RNLS: variants seen among roughly 807,000 people sequenced by gnomAD.
RNLS encodes the protein renalase.
Under a neutral mutation model 39.8 loss-of-function variants are expected in RNLS, and 39 were observed. The observed-to-expected ratio is 0.98, with a 90% CI of 0.76 to 1.28. The LOEUF is 1.28. RNLS is among the 50% of genes most tolerant of loss of function. The pLI is 0.00. For synonymous variants in RNLS, 147 were observed against 150.7 expected (o/e 0.98, Z 0.18); for missense variants, 410 against 413.3 (o/e 0.99, Z 0.07).
At chr10:88,504,076 G>T (rs1406547731) in intron 4 of RNLS, among the ~76,000 whole-genome samples, 1 of 152,158 alleles carries the variant, frequency 6.6e-6, no homozygotes, top group African/African-American at 2.4e-5. Flanking sequence ...ACGTGAGTGA[G>T]CTAGGAAGTA....
chr10:88,420,098 G>A (rs1854313546), intron 4 of RNLS, among the ~76,000 whole-genome samples: 1 of 151,350 alleles, frequency 6.6e-6, no homozygotes, highest in African/African-American at 2.4e-5. Flanking sequence ...AAGAGCATTG[G>A]ATTTAGAGTC....
intron 4 of RNLS, among the ~76,000 whole-genome samples, chr10:88,565,990 G>T (rs1284101686): frequency 6.6e-6 from 1 of 151,394 alleles, no homozygotes; most frequent in Non-Finnish European, 1.5e-5. Context: ...CTCGTGATCC[G>T]CCCACCTCAG....
At chr10:88,305,572 T>C (rs1844857523) in intron 6 of RNLS, among the ~76,000 whole-genome samples, 1 of 151,680 alleles carries the variant, frequency 6.6e-6, no homozygotes, top group Non-Finnish European at 1.5e-5. Flanking sequence ...CCAACAAAGA[T>C]AAAAAAAGAA....
chr10:88,518,641 G>A (rs1304791963), intron 4 of RNLS, among the ~76,000 whole-genome samples: 1 of 151,948 alleles, frequency 6.6e-6, no homozygotes, highest in African/African-American at 2.4e-5. Context: ...GAAAGCTAAA[G>A]TCCAGGGTAA....
chr10:88,325,697 C>T (rs533391470), intron 5 of RNLS, among the ~76,000 whole-genome samples: 18 of 152,250 alleles, frequency 1.2e-4, no homozygotes, highest in Admixed American at 2.6e-4. Flanking sequence ...TATCATAACA[C>T]GCATTTTTAA....
chr10:88,267,784 G>A, the RNLS span, among the ~76,000 whole-genome samples: 2 of 152,172 alleles, frequency 1.3e-5, no homozygotes, highest in Non-Finnish European at 2.9e-5. Flanking sequence ...CAGAAAGGAG[G>A]AAGAAGTGAG....
rs370654203 is a variant in RNLS at position 88,327,337 on chromosome 10, A to G, written c.701-12696T>C. On this transcript the variant is annotated intron_variant, in intron 5 of 6. Transcript: ENST00000331772. ...ATACCCATGTGTCTAGGAGAGACTG[A>G]TGTGAGGTGATTGGATCATGGGGGT... is the stretch of plus-strand genomic sequence containing the variant. Among the ~76,000 whole-genome samples the G allele has an allele frequency of 2.0e-4, 31 of 152,254 alleles. No homozygotes were observed. The East Asian group carries it at 2.7e-3, about 13-fold the overall frequency.
At chr10:88,212,178 C>T in the RNLS span, among the ~76,000 whole-genome samples, 1 of 152,030 alleles carries the variant, frequency 6.6e-6, no homozygotes, top group East Asian at 1.9e-4. Flanking sequence ...TTTTTGTTTC[C>T]CTTACTTCAC....
chr10:88,563,758 C>G (rs1472574725), intron 4 of RNLS, among the ~76,000 whole-genome samples: 1 of 151,802 alleles, frequency 6.6e-6, no homozygotes, highest in Non-Finnish European at 1.5e-5. Context: ...AGAAAGGTAC[C>G]CCCAAGATCT....
At chr10:88,449,415 C>G (rs1842238078) in intron 4 of RNLS, among the ~76,000 whole-genome samples, 1 of 152,202 alleles carries the variant, frequency 6.6e-6, no homozygotes, top group Non-Finnish European at 1.5e-5. Flanking sequence ...CAAAACCCAG[C>G]TCAAGTGTCA....
At chr10:88,575,034 G>C (rs1314689939) in intron 3 of RNLS, among the ~76,000 whole-genome samples, 1 of 149,698 alleles carries the variant, frequency 6.7e-6, no homozygotes, top group African/African-American at 2.5e-5. Flanking sequence ...TGTGTTTAAG[G>C]GGACTTAAGT....
chr10:88,516,808 G>A (rs989994813), intron 4 of RNLS, among the ~76,000 whole-genome samples: 6 of 151,914 alleles, frequency 3.9e-5, no homozygotes, highest in African/African-American at 1.4e-4. Flanking sequence ...TTTCATCTCT[G>A]TTGACAGCTG....
intron 4 of RNLS, among the ~76,000 whole-genome samples, chr10:88,378,886 T>G (rs1278114122): frequency 6.6e-6 from 1 of 152,156 alleles, no homozygotes; most frequent in African/African-American, 2.4e-5. Flanking sequence ...CCATCAAACC[T>G]TCAGAGGGTG....
At chr10:88,578,456 AT>A (rs1247453512) in intron 3 of RNLS, among the ~76,000 whole-genome samples, 1 of 152,160 alleles carries the variant, frequency 6.6e-6, no homozygotes, top group East Asian at 1.9e-4. Flanking sequence ...GACTTAAAGA[AT>A]GTTTAAAAGG....
chr10:88,358,873 G>T (rs1322363489), intron 5 of RNLS, among the ~76,000 whole-genome samples: 1 of 152,162 alleles, frequency 6.6e-6, no homozygotes, highest in African/African-American at 2.4e-5. Flanking sequence ...TCTCAACCAT[G>T]CCAGACTTTG....
the RNLS span, among the ~76,000 whole-genome samples, chr10:88,265,758 C>A: frequency 6.6e-6 from 1 of 152,074 alleles, no homozygotes; most frequent in Non-Finnish European, 1.5e-5. Flanking sequence ...TTGGAGAAGT[C>A]TTCTTTAGAG....
chr10:88,201,992 T>C, the RNLS span, among the ~76,000 whole-genome samples: 1 of 152,122 alleles, frequency 6.6e-6, no homozygotes, highest in African/African-American at 2.4e-5. Context: ...TAAAGACACA[T>C]GCACACGTAT....
intron 4 of RNLS, among the ~76,000 whole-genome samples, chr10:88,378,404 G>A (rs987835119): frequency 2.0e-5 from 3 of 152,050 alleles, no homozygotes; most frequent in East Asian, 1.9e-4. Flanking sequence ...CCCAAGGCAC[G>A]TCATAGAAAC....
chr10:88,176,946 C>T, the RNLS span, among the ~76,000 whole-genome samples: 1 of 152,174 alleles, frequency 6.6e-6, no homozygotes, highest in African/African-American at 2.4e-5. Flanking sequence ...AAGAAATCTG[C>T]TGTTAGTCTG....
Sources: gnomAD v4.1 joint callset for allele counts (sites outside exome capture counted in the v4.1 genomes callset) on GRCh38, gnomAD v4.1.1 for gene constraint, MANE v1.5 for transcripts, NCBI Gene and HGNC (gene_info 2026-07-23, HGNC 2026-07-21) for gene names.